The following ESR1 variants were observed in gnomAD, a reference collection of about 807,000 sequenced individuals.
ESR1 encodes the protein estrogen receptor.
A neutral mutation model predicts 52.7 loss-of-function variants in ESR1; 12 were observed. The ratio of observed to expected loss-of-function variants is 0.23; its 90% CI spans 0.15 to 0.37. The LOEUF (loss-of-function observed/expected upper bound fraction) is 0.37. ESR1 is among the 10% of genes least tolerant of loss of function. ESR1 has a pLI of 1.00. For missense variants in ESR1, 584 were observed against 779.7 expected, an observed-to-expected ratio of 0.75 and a Z score of 2.99; for synonymous variants, 305 against 316.8, an observed-to-expected ratio of 0.96 and a Z score of 0.39.
chr6:151,738,747 A>G (rs1280883865), intron 2 of ESR1, among the ~76,000 whole-genome samples: 1 of 152,220 alleles, frequency 6.6e-6, no homozygotes, highest in Non-Finnish European at 1.5e-5. Context: ...CATTTCACAT[A>G]TGCCTCATTT....
At chr6:151,687,801 T>A (rs1243571834), upstream of ESR1, among the ~76,000 whole-genome samples, 1 of 152,226 alleles carries the variant, frequency 6.6e-6, no homozygotes, top group East Asian at 1.9e-4. Flanking sequence ...AAGGAATGTG[T>A]GTTGACCCTC....
chr6:151,699,452 T>G (rs538199565), intron 1 of ESR1, among the ~76,000 whole-genome samples: 191 of 152,322 alleles, frequency 1.3e-3, no homozygotes, highest in Non-Finnish European at 2.0e-3. Context: ...TTATCAAAAC[T>G]ATTCTCAGCG....
chr6:151,939,406 C>T (rs922821318), intron 3 of ESR1, among the ~76,000 whole-genome samples: 2 of 152,158 alleles, frequency 1.3e-5, no homozygotes, highest in African/African-American at 2.4e-5. Context: ...AAGAAAATGT[C>T]TTGGTAGAAA....
intron 3 of ESR1, among the ~76,000 whole-genome samples, chr6:151,939,036 C>G (rs1457850753): frequency 1.3e-5 from 2 of 152,296 alleles, no homozygotes; most frequent in Admixed American, 1.3e-4. Flanking sequence ...ATAACTTGAG[C>G]TATAATGACA....
At chr6:151,789,112 TA>T (rs767498740) in intron 2 of ESR1, among the ~76,000 whole-genome samples, 48 of 151,066 alleles carry the variant, frequency 3.2e-4, no homozygotes, top group African/African-American at 9.5e-4. Flanking sequence ...AAATAAAAGT[TA>T]AAAAAAAACC....
chr6:151,751,218 C>T (rs528653522), intron 2 of ESR1, among the ~76,000 whole-genome samples: 2 of 151,980 alleles, frequency 1.3e-5, no homozygotes, highest in South Asian at 2.1e-4. Flanking sequence ...TTTTTTGAGG[C>T]CTATGATTTA....
At chr6:152,037,999 C>A (rs985347441) in intron 5 of ESR1, among the ~76,000 whole-genome samples, 5 of 152,108 alleles carry the variant, frequency 3.3e-5, no homozygotes, top group African/African-American at 1.2e-4. Context: ...TGACGTCCCA[C>A]AATAGGCCAT....
chr6:151,750,052 C>T (rs757955343), intron 2 of ESR1, among the ~76,000 whole-genome samples: 4 of 152,074 alleles, frequency 2.6e-5, no homozygotes, highest in Non-Finnish European at 4.4e-5. Context: ...TGGGTGTTAT[C>T]AGAGAATGAC....
chr6:152,063,568 G>C (rs575751720), intron 6 of ESR1, among the ~76,000 whole-genome samples: 2 of 152,306 alleles, frequency 1.3e-5, no homozygotes, highest in Non-Finnish European at 1.5e-5. Flanking sequence ...GCCTTTTTCA[G>C]AATAAAAAAG....
At chr6:151,710,652 C>T (rs767054277) in intron 2 of ESR1, among the ~76,000 whole-genome samples, 21 of 152,044 alleles carry the variant, frequency 1.4e-4, no homozygotes, top group Admixed American at 5.9e-4. Flanking sequence ...ATACACATGC[C>T]ATGGTGGTTT....
At chr6:151,732,757 G>A (rs1323782775) in intron 2 of ESR1, among the ~76,000 whole-genome samples, 6 of 152,114 alleles carry the variant, frequency 3.9e-5, no homozygotes, top group Admixed American at 3.3e-4. Context: ...TTTACCAGCC[G>A]TCAGATCTCA....
rs1297758556 is a variant in ESR1 at position 152,061,369 on chromosome 6, T to A, written c.1369+245T>A. Among the ~76,000 whole-genome samples the A allele has an allele frequency of 6.6e-6, 1 of 152,236 alleles. No homozygotes were observed. Among genetic ancestry groups the A allele is most frequent in the Non-Finnish European group, 1.5e-5 (1 of 68,042 alleles). On this transcript the variant is annotated intron_variant, in intron 6 of 7. Coordinates refer to ENST00000206249, the MANE Select transcript of ESR1 (RefSeq NM_000125.4). The surrounding 1 kb of genome is among the most constrained non-coding windows in gnomAD (Gnocchi z 4.3). Reference sequence around the variant, plus strand: ...AATGGCCTTTGAGCTAAAATTTTTGTATGCTTTCACAGATAGGATGTTTTT... The same window carrying A: ...AATGGCCTTTGAGCTAAAATTTTTGAATGCTTTCACAGATAGGATGTTTTT...
intron 6 of ESR1, chr6:152,122,587 G>A: frequency 6.2e-7 from 1 of 1,614,226 alleles, no homozygotes; most frequent in Admixed American, 1.7e-5. Context: ...AAGGGGAAGA[G>A]CTGCTCGGAG....
intron 5 of ESR1, among the ~76,000 whole-genome samples, chr6:152,013,265 A>AT (rs898273650): frequency 2.1e-5 from 3 of 145,824 alleles, no homozygotes; most frequent in Non-Finnish European, 4.5e-5. Context: ...TGTCCTCTTA[A>AT]TTTTTTTGTC....
chr6:152,007,698 T>G (rs1238325927), intron 4 of ESR1, among the ~76,000 whole-genome samples: 1 of 152,116 alleles, frequency 6.6e-6, no homozygotes, highest in Non-Finnish European at 1.5e-5. Context: ...ATTCTGTCCC[T>G]CCTGTGTGAA....
intron 1 of ESR1, among the ~76,000 whole-genome samples, chr6:151,681,679 A>G (rs958700739): frequency 6.6e-6 from 1 of 152,196 alleles, no homozygotes; most frequent in Non-Finnish European, 1.5e-5. Context: ...TGCCTGAATA[A>G]ATAATGCACA....
chr6:151,929,790 A>G (rs186708366), intron 3 of ESR1, among the ~76,000 whole-genome samples: 29 of 152,192 alleles, frequency 1.9e-4, no homozygotes, highest in Non-Finnish European at 3.2e-4. Context: ...CAATCTGACA[A>G]TTTCCATCTT....
intron 1 of ESR1, among the ~76,000 whole-genome samples, chr6:151,679,411 G>A (rs751766474): frequency 7.9e-5 from 12 of 152,068 alleles, no homozygotes; most frequent in African/African-American, 1.2e-4. Context: ...GTGTGGTGGC[G>A]CAATCTCGGC....
intron 3 of ESR1, among the ~76,000 whole-genome samples, chr6:151,908,952 G>A (rs1797851671): frequency 6.6e-6 from 1 of 151,824 alleles, no homozygotes; most frequent in South Asian, 2.1e-4. Context: ...AACTGACATA[G>A]GGTAACTTAC....
Sources: allele counts gnomAD v4.1 joint callset (sites outside exome capture counted in the v4.1 genomes callset), GRCh38; gene constraint gnomAD v4.1.1; non-coding constraint Gnocchi (gnomAD v3.1); transcripts MANE v1.5; gene names NCBI Gene and HGNC (gene_info 2026-07-23, HGNC 2026-07-21).